The following ETV6 variants were observed in gnomAD, a reference collection of about 807,000 sequenced individuals.
The protein encoded by ETV6 is ETS variant transcription factor 6.
ETV6 carries 16 observed loss-of-function variants against 51.1 expected under a neutral mutation model. The observed-to-expected ratio is 0.31, with a 90% CI of 0.21 to 0.48. The LOEUF (loss-of-function observed/expected upper bound fraction) is 0.48. ETV6 is among the 20% of genes least tolerant of loss of function. The pLI, the probability that ETV6 is intolerant of heterozygous loss-of-function variation, is 0.99. For synonymous variants in ETV6, 240 were observed against 224.1 expected (o/e 1.07, Z -0.64); for missense variants, 458 against 594.8 (o/e 0.77, Z 2.39).
intron 5 of ETV6, among the ~76,000 whole-genome samples, chr12:11,872,524 G>A (rs1195811693): frequency 6.9e-6 from 1 of 144,416 alleles, no homozygotes; most frequent in African/African-American, 2.5e-5. Flanking sequence ...TTGAGACAGA[G>A]TCTCTGTCAC....
chr12:11,731,301 A>G (rs777774945), intron 1 of ETV6, among the ~76,000 whole-genome samples: 3 of 152,254 alleles, frequency 2.0e-5, no homozygotes, highest in Non-Finnish European at 2.9e-5. Context: ...TATTGAAAAT[A>G]TAACTAGGTG....
rs571926464 is a variant in ETV6 at position 11,869,701 on chromosome 12, G to A, written c.741G>A (p.Ala247=). Residue 247 remains alanine (A), a synonymous_variant, in exon 5 of 8, where the codon GCG becomes GCA. Coordinates refer to ENST00000396373, the MANE Select transcript of ETV6 (RefSeq NM_001987.5). The surrounding 1 kb of genome is among the most constrained non-coding windows in gnomAD (Gnocchi z 5.0). ...VSPMENNHCP[A]SSESHPKPSS... ...CCATGGAGAATAATCACTGCCCAGC[G>A]TCCTCCGAGTCCCACCCGAAGCCAT... 315 of 1,614,018 alleles carry A rather than the reference G, an allele frequency of 2.0e-4. 1 individual carries two copies. Among genetic ancestry groups the A allele is most frequent in the Non-Finnish European group, 2.4e-4 (289 of 1,180,014 alleles).
intron 5 of ETV6, among the ~76,000 whole-genome samples, chr12:11,883,276 C>CTTCTTTTTTTTTTTTTTT (rs776231778): frequency 3.8e-5 from 3 of 79,106 alleles, no homozygotes; most frequent in African/African-American, 2.2e-4. Context: ...ATGTCTTCTT[C>CTTCTTTTTTTTTTTTTTT]TTTTTTTTTT....
At chr12:11,794,503 T>C (rs2136392545) in intron 2 of ETV6, among the ~76,000 whole-genome samples, 1 of 152,348 alleles carries the variant, frequency 6.6e-6, no homozygotes, top group East Asian at 1.9e-4. Flanking sequence ...AGCCTGGTGA[T>C]TAAAAATAGC....
intron 1 of ETV6, among the ~76,000 whole-genome samples, chr12:11,672,061 A>T (rs1864328738): frequency 6.6e-6 from 1 of 151,940 alleles, no homozygotes; most frequent in African/African-American, 2.4e-5. Flanking sequence ...GTACGCATAA[A>T]ACACTTGCCT....
In ETV6 at chr12:11,867,595, G is replaced by A. The variant is rs527526670; in HGVS notation, c.464-1829G>A. ...GAACTTTCAAAAAAGAAAAAAGTCC[G>A]CATTTTCTTCTTAACCCTGTGTAAA... On this transcript the variant is annotated intron_variant, in intron 4 of 7. Coordinates refer to ENST00000396373, the MANE Select transcript of ETV6 (RefSeq NM_001987.5). 5.3e-5 allele frequency among the ~76,000 whole-genome samples: 8 copies of A among 152,214 alleles called. No homozygotes were observed. In the South Asian group the frequency reaches 6.2e-4, roughly 12 times the overall value.
intron 2 of ETV6, among the ~76,000 whole-genome samples, chr12:11,756,478 G>GA (rs570803436): frequency 1.8e-3 from 272 of 151,058 alleles, no homozygotes; most frequent in Admixed American, 4.3e-3. Context: ...AGACAGGTGG[G>GA]AAAAAAAAAG....
At chr12:11,878,973 C>T (rs1477541925) in intron 5 of ETV6, among the ~76,000 whole-genome samples, 6 of 152,056 alleles carry the variant, frequency 3.9e-5, no homozygotes. Context: ...TCAGCAGCAT[C>T]CCTGGCCTCT....
chr12:11,869,402 T>C lies in ETV6; in HGVS notation c.464-22T>C, dbSNP rs1946841952. On this transcript the variant is annotated intron_variant, in intron 4 of 7. Transcript: ENST00000396373. The surrounding 1 kb of genome is among the most constrained non-coding windows in gnomAD (Gnocchi z 5.0). The stretch of plus-strand genomic sequence containing the variant: ...CTGCCAACTCACTGGGGTCTGTGAT[T>C]GTCTTTCCCTCTGCTCCACAGATAA... 1 of 1,582,840 alleles carries C rather than the reference T, an allele frequency of 6.3e-7. No homozygotes were observed. The highest frequency in any genetic ancestry group is 8.6e-7 in the Non-Finnish European group (1 of 1,163,234).
At chr12:11,761,753 A>G (rs1221123729) in intron 2 of ETV6, among the ~76,000 whole-genome samples, 1 of 152,234 alleles carries the variant, frequency 6.6e-6, no homozygotes, top group Non-Finnish European at 1.5e-5. Context: ...CCAGCAGTTC[A>G]TTCCATCTCT....
intron 2 of ETV6, among the ~76,000 whole-genome samples, chr12:11,822,823 G>T (rs1946099936): frequency 6.6e-6 from 1 of 152,226 alleles, no homozygotes; most frequent in South Asian, 2.1e-4. Flanking sequence ...CTTCCTGGAA[G>T]CTGGGCTTGG....
At chr12:11,746,155 G>C (rs1865904679) in intron 1 of ETV6, among the ~76,000 whole-genome samples, 1 of 152,244 alleles carries the variant, frequency 6.6e-6, no homozygotes, top group Non-Finnish European at 1.5e-5. Flanking sequence ...TCTGTGAGGA[G>C]TGAGGATGCA....
chr12:11,877,583 C>T (rs920485994), intron 5 of ETV6, among the ~76,000 whole-genome samples: 3 of 152,150 alleles, frequency 2.0e-5, no homozygotes, highest in East Asian at 1.9e-4. Context: ...GTGAAAGAGC[C>T]GCTTCCTCCC....
At chr12:11,778,411 GC>G (rs1184036759) in intron 2 of ETV6, among the ~76,000 whole-genome samples, 2 of 152,348 alleles carry the variant, frequency 1.3e-5, no homozygotes, top group East Asian at 3.9e-4. Flanking sequence ...AGAAAATGAG[GC>G]CTGGCTGGTG....
chr12:11,760,880 G>A (rs59053853), intron 2 of ETV6, among the ~76,000 whole-genome samples: 1,560 of 24,960 alleles, frequency 0.062, 18 homozygotes, highest in Middle Eastern at 0.12. Context: ...TTATATATAT[G>A]TGTGTGTGTG....
intron 1 of ETV6, among the ~76,000 whole-genome samples, chr12:11,678,000 C>T (rs546130736): frequency 1.3e-5 from 2 of 152,214 alleles, no homozygotes; most frequent in African/African-American, 4.8e-5. Context: ...TCTGTTCCTG[C>T]ACTTGTGCCA....
At chr12:11,782,836 C>T (rs1191813182) in intron 2 of ETV6, among the ~76,000 whole-genome samples, 1 of 152,118 alleles carries the variant, frequency 6.6e-6, no homozygotes, top group Non-Finnish European at 1.5e-5. Context: ...TAAATTGTTT[C>T]CATGTTTAAG....
intron 1 of ETV6, among the ~76,000 whole-genome samples, chr12:11,711,643 A>C (rs189079504): frequency 3.3e-5 from 5 of 152,330 alleles, no homozygotes; most frequent in Admixed American, 6.5e-5. Flanking sequence ...TGTTTTCCAA[A>C]CATTTATCCT....
chr12:11,731,794 A>G (rs957665778), intron 1 of ETV6, among the ~76,000 whole-genome samples: 2 of 152,186 alleles, frequency 1.3e-5, no homozygotes, highest in African/African-American at 4.8e-5. Flanking sequence ...TAAAATGTTA[A>G]CTACCATTTA....
Sources: allele counts gnomAD v4.1 joint callset (sites outside exome capture counted in the v4.1 genomes callset), GRCh38; gene constraint gnomAD v4.1.1; non-coding constraint Gnocchi (gnomAD v3.1); transcripts MANE v1.5; gene names NCBI Gene and HGNC (gene_info 2026-07-23, HGNC 2026-07-21).